The following RBFOX2 variants were observed in gnomAD, a reference collection of about 807,000 sequenced individuals.
The protein encoded by RBFOX2 is RNA binding protein fox-1 homolog 2.
In RBFOX2, 10 loss-of-function variants were observed where a neutral mutation model predicts 49.1. The observed-to-expected ratio is 0.20, with a 90% CI of 0.13 to 0.35. The LOEUF (loss-of-function observed/expected upper bound fraction) is 0.35, where lower values mean the gene tolerates loss of function less well. Among genes scored for constraint, RBFOX2 ranks in the 10% least tolerant of loss-of-function variants. The pLI, the probability that RBFOX2 is intolerant of heterozygous loss-of-function variation, is 1.00. For synonymous variants in RBFOX2, 183 were observed against 187.4 expected (o/e 0.98, Z 0.19); for missense variants, 323 against 486.9 (o/e 0.66, Z 3.17).
chr22:35,794,606 C>T (rs547028990), intron 2 of RBFOX2, among the ~76,000 whole-genome samples: 20 of 151,000 alleles, frequency 1.3e-4, no homozygotes, highest in Middle Eastern at 3.4e-3. Context: ...TACAGTGAGC[C>T]GAGATCACGC....
chr22:35,950,234 G>A (rs1277090546), intron 1 of RBFOX2, among the ~76,000 whole-genome samples: 2 of 150,554 alleles, frequency 1.3e-5, no homozygotes, highest in African/African-American at 4.9e-5. Context: ...TCTATATACT[G>A]GTTATCAATT....
chr22:35,754,386 C>T (rs991309343), intron 9 of RBFOX2, among the ~76,000 whole-genome samples: 3 of 152,102 alleles, frequency 2.0e-5, no homozygotes, highest in Non-Finnish European at 2.9e-5. Context: ...CCACTGTGCC[C>T]GGCCCAAAGT....
intron 2 of RBFOX2, among the ~76,000 whole-genome samples, chr22:35,805,002 C>T (rs1950443930): frequency 6.6e-6 from 1 of 151,864 alleles, no homozygotes; most frequent in East Asian, 1.9e-4. Flanking sequence ...AAAAGTAAGA[C>T]AAAGGCTGGG....
intron 1 of RBFOX2, among the ~76,000 whole-genome samples, chr22:35,892,555 T>C (rs2047373236): frequency 1.3e-5 from 2 of 152,214 alleles, no homozygotes; most frequent in South Asian, 4.1e-4. Flanking sequence ...AAAATGCCCA[T>C]CTGCACCAAT....
In RBFOX2 at chr22:35,809,644, T is replaced by C. The variant is rs142772653; in HGVS notation, c.252+136A>G. On this transcript the variant is annotated intron_variant, in intron 2 of 11. Coordinates refer to ENST00000405409, the Ensembl canonical transcript of RBFOX2. The stretch of plus-strand genomic sequence containing the variant: ...GGAGGGAGGACAATGTATACAATGC[T>C]GTTGAGAGAAGGTGTAAATGAGAAC... 1.1e-3 allele frequency: 1,020 copies of C among 969,286 alleles called. 7 individuals are homozygous for C. In the Middle Eastern group the frequency reaches 0.019, roughly 18 times the overall value. The allele number at this position is 969,286 out of a possible 1,614,324, so 60.0% of individuals were successfully genotyped here.
chr22:35,792,360 G>GA (rs1555915774), intron 2 of RBFOX2, among the ~76,000 whole-genome samples: 50 of 114,436 alleles, frequency 4.4e-4, no homozygotes, highest in African/African-American at 1.8e-3. Context: ...GAAAAGAAAA[G>GA]AAAAGAAAAA....
At chr22:35,903,546 A>G (rs902382032) in intron 1 of RBFOX2, among the ~76,000 whole-genome samples, 6 of 152,202 alleles carry the variant, frequency 3.9e-5, no homozygotes, top group African/African-American at 1.4e-4. Flanking sequence ...TTACACCCCT[A>G]GCAGAGACCT....
intron 1 of RBFOX2, among the ~76,000 whole-genome samples, chr22:35,956,599 AT>A (rs1165405912): frequency 6.6e-6 from 1 of 152,032 alleles, no homozygotes; most frequent in Non-Finnish European, 1.5e-5. Context: ...TGACCTCATG[AT>A]CCCCCGCCTC....
upstream of RBFOX2, among the ~76,000 whole-genome samples, chr22:35,963,465 A>T (rs1360820172): frequency 6.6e-6 from 1 of 152,210 alleles, no homozygotes; most frequent in Non-Finnish European, 1.5e-5. Flanking sequence ...AAGCACTAAT[A>T]ATTATTAAGT....
chr22:35,923,463 C>T (rs2051256362), intron 1 of RBFOX2, among the ~76,000 whole-genome samples: 1 of 152,138 alleles, frequency 6.6e-6, no homozygotes, highest in Non-Finnish European at 1.5e-5. Context: ...CCTCGAACTC[C>T]TAGGTTCAGG....
intron 1 of RBFOX2, among the ~76,000 whole-genome samples, chr22:35,886,199 C>T (rs1345601406): frequency 1.3e-5 from 2 of 152,048 alleles, no homozygotes; most frequent in Non-Finnish European, 2.9e-5. Context: ...CCAGACAGTT[C>T]ATTATACCTA....
intron 4 of RBFOX2, among the ~76,000 whole-genome samples, chr22:35,772,222 T>C (rs1285132356): frequency 6.6e-6 from 1 of 152,202 alleles, no homozygotes; most frequent in Non-Finnish European, 1.5e-5. Flanking sequence ...AAGTAAACTT[T>C]AATTTTTAAT....
At chr22:35,907,219 T>C (rs1275605382) in intron 1 of RBFOX2, among the ~76,000 whole-genome samples, 5 of 152,218 alleles carry the variant, frequency 3.3e-5, no homozygotes, top group Non-Finnish European at 5.9e-5. Context: ...CTGTACACGC[T>C]TCCCCAGAAA....
chr22:35,860,477 A>G (rs1356561394), intron 1 of RBFOX2, among the ~76,000 whole-genome samples: 1 of 152,178 alleles, frequency 6.6e-6, no homozygotes, highest in Non-Finnish European at 1.5e-5. Flanking sequence ...AATGATTAAC[A>G]CTTTGTTAAG....
chr22:35,910,855 T>C (rs2049730056), intron 1 of RBFOX2, among the ~76,000 whole-genome samples: 3 of 152,236 alleles, frequency 2.0e-5, no homozygotes, highest in Middle Eastern at 6.8e-3. Context: ...GGCTGCAGCA[T>C]CAAAATGTTC....
chr22:35,811,401 G>T (rs1951839885), intron 1 of RBFOX2, among the ~76,000 whole-genome samples: 1 of 152,094 alleles, frequency 6.6e-6, no homozygotes, highest in South Asian at 2.1e-4. Flanking sequence ...TAAGAAAAGG[G>T]AATGTGGATA....
chr22:35,897,974 C>T, intron 1 of RBFOX2: 1 of 774,238 alleles, frequency 1.3e-6, no homozygotes, highest in East Asian at 2.5e-5. Context: ...TTCACAAAAA[C>T]ATCCTCAAAA....
intron 1 of RBFOX2, among the ~76,000 whole-genome samples, chr22:36,022,480 T>C (rs1341004530): frequency 6.6e-6 from 1 of 152,224 alleles, no homozygotes; most frequent in Non-Finnish European, 1.5e-5. Context: ...TACTTTGAAA[T>C]CAGATCTGAC....
intron 1 of RBFOX2, among the ~76,000 whole-genome samples, chr22:35,830,831 G>T (rs183879869): frequency 2.4e-4 from 37 of 152,154 alleles, no homozygotes; most frequent in Non-Finnish European, 4.9e-4. Flanking sequence ...AAGCAATAAG[G>T]TATAAAATAC....
Sources: gnomAD v4.1 joint callset for allele counts (sites outside exome capture counted in the v4.1 genomes callset) on GRCh38, gnomAD v4.1.1 for gene constraint, MANE v1.5 for transcripts, NCBI Gene and HGNC (gene_info 2026-07-23, HGNC 2026-07-21) for gene names.